SLC5A11: variants seen among roughly 807,000 people sequenced by gnomAD.
SLC5A11 encodes solute carrier family 5 member 11.
SLC5A11 carries 48 observed loss-of-function variants against 69.8 expected under a neutral mutation model. The ratio of observed to expected loss-of-function variants is 0.69; its 90% CI spans 0.55 to 0.87. SLC5A11 has a LOEUF of 0.87. SLC5A11 is among the 40% of genes least tolerant of loss of function. SLC5A11 has a pLI of 0.00. For synonymous variants in SLC5A11, 319 were observed against 342.4 expected (o/e 0.93, Z 0.75); for missense variants, 784 against 866.1 (o/e 0.91, Z 1.19).
intron 5 of SLC5A11, 81 bp downstream of exon 6, chr16:24,872,300 C>A: frequency 1.3e-6 from 2 of 1,482,300 alleles, no homozygotes; most frequent in Non-Finnish European, 1.9e-6. Context: ...CCTCATCCCG[C>A]CATCCCTCCC....
At chr16:24,879,866 G>T (rs1465022791) in intron 7 of SLC5A11, among the ~76,000 whole-genome samples, 1 of 152,176 alleles carries the variant, frequency 6.6e-6, no homozygotes, top group African/African-American at 2.4e-5. Context: ...CTTTTTAATG[G>T]CTGTGTAGTA....
chr16:24,858,733 G>T (rs751973662), exon 2 of SLC5A11: 1 of 1,611,816 alleles, frequency 6.2e-7, no homozygotes, highest in East Asian at 2.2e-5. Flanking sequence ...GGGACATCGC[G>T]GTGCTAGTTC....
rs2059047349 is a variant in SLC5A11 at position 24,847,057 on chromosome 16, C to T, written c.-25+619C>T. Among the ~76,000 whole-genome samples, 4 of 152,162 alleles carry T rather than the reference C, an allele frequency of 2.6e-5. No homozygotes were observed. The South Asian group carries it at 8.3e-4, about 32-fold the overall frequency. On this transcript the variant is annotated intron_variant, in intron 1 of 15. Transcript: ENST00000347898. ...GTAATACAGATAGTGAGTGGCCAAG[C>T]CAAGACTCAATTCCTGTGGCCATGA... is the stretch of plus-strand genomic sequence containing the variant.
rs747177403 is a variant in SLC5A11 at position 24,872,299 on chromosome 16, G to A, written c.372+80G>A. 59 of 1,495,652 alleles carry A rather than the reference G, an allele frequency of 3.9e-5. 1 individual carries two copies. The highest frequency in any genetic ancestry group is 2.7e-4 in the East Asian group (12 of 44,230). 92.6% of individuals were successfully genotyped at this position (1,495,652 alleles called of 1,614,324 possible). On this transcript the variant is annotated intron_variant, in intron 5 of 15. Coordinates refer to ENST00000347898, the Ensembl canonical transcript of SLC5A11. Reference sequence around the variant, plus strand: ...AGCCCTGCAGTCCCTCCCTCATCCCGCCATCCCTCCCTCCTGCCCATGGTC... The same window carrying A: ...AGCCCTGCAGTCCCTCCCTCATCCCACCATCCCTCCCTCCTGCCCATGGTC...
chr16:24,896,649 G>T (rs1023629880), intron 9 of SLC5A11, among the ~76,000 whole-genome samples: 4 of 152,154 alleles, frequency 2.6e-5, no homozygotes, highest in Non-Finnish European at 5.9e-5. Flanking sequence ...AAACTGGGCT[G>T]GTACTATGCT....
At chr16:24,910,401 C>A in exon 15 of SLC5A11, 1 of 1,614,110 alleles carries the variant, frequency 6.2e-7, no homozygotes, top group Non-Finnish European at 8.5e-7. Flanking sequence ...TCTCTCAGAA[C>A]GGGATGCCAG....
intron 2 of SLC5A11, 139 bp downstream of exon 3, chr16:24,858,917 G>A (rs1440465567): frequency 2.3e-5 from 27 of 1,159,542 alleles, no homozygotes; most frequent in Non-Finnish European, 2.9e-5. Context: ...AGAGTAATCA[G>A]AACTTAAAAA....
chr16:24,883,635 G>C (rs2048189528), intron 7 of SLC5A11, among the ~76,000 whole-genome samples: 1 of 152,224 alleles, frequency 6.6e-6, no homozygotes, highest in African/African-American at 2.4e-5. Flanking sequence ...CACATGGCTG[G>C]TGTTAGCTTG....
chr16:24,898,196 G>A (rs555159874), intron 10 of SLC5A11, 87 bp downstream of exon 11: 1 of 1,496,266 alleles, frequency 6.7e-7, no homozygotes, highest in African/African-American at 1.4e-5. Flanking sequence ...GAAGCCTCAA[G>A]AGAATGTGAC....
At chr16:24,899,705 G>A (rs148416469) in intron 10 of SLC5A11, among the ~76,000 whole-genome samples, 424 of 149,836 alleles carry the variant, frequency 2.8e-3, no homozygotes, top group African/African-American at 9.0e-3. Flanking sequence ...GCTGGCCTGC[G>A]GTACTTTTTC....
intron 3 of SLC5A11, among the ~76,000 whole-genome samples, chr16:24,863,948 C>T (rs965879088): frequency 2.6e-5 from 4 of 152,230 alleles, no homozygotes; most frequent in Non-Finnish European, 4.4e-5. Context: ...CTGCTGGGCT[C>T]ATCTTTATTT....
intron 7 of SLC5A11, among the ~76,000 whole-genome samples, chr16:24,882,285 T>C (rs1400599896): frequency 2.0e-5 from 3 of 152,110 alleles, no homozygotes; most frequent in Middle Eastern, 3.2e-3. Context: ...ACTGTTAATA[T>C]AGAAAGGATG....
chr16:24,851,863 T>A (rs940544786), intron 1 of SLC5A11, among the ~76,000 whole-genome samples: 17 of 152,150 alleles, frequency 1.1e-4, no homozygotes, highest in African/African-American at 4.1e-4. Context: ...TATTTACACT[T>A]TACGCTTTAT....
chr16:24,910,273 CCACAAAT>C, intron 14 of SLC5A11, 26 bp from the exon 16 acceptor site: 1 of 1,608,338 alleles, frequency 6.2e-7, no homozygotes, highest in Non-Finnish European at 8.5e-7. Context: ...CCCACCTCCA[CCACAAAT>C]CTCATCATTC....
intron 1 of SLC5A11, among the ~76,000 whole-genome samples, chr16:24,848,541 G>A (rs187306833): frequency 6.6e-6 from 1 of 152,300 alleles, no homozygotes; most frequent in Non-Finnish European, 1.5e-5. Context: ...AGCCCATGGG[G>A]TTGAGGCTGC....
Position 24,900,482 on chromosome 16 carries a change from C to A in SLC5A11, c.1006+2373C>A, listed in dbSNP as rs2049499921. On this transcript the variant is annotated intron_variant, in intron 10 of 15. Coordinates refer to ENST00000347898, the Ensembl canonical transcript of SLC5A11. ...CAGCCCTGGTGGGATGAGGAACCCACAAATAGTCCCTAGTCCTGCTTCCAG... is the reference window on the plus strand; with the variant it reads ...CAGCCCTGGTGGGATGAGGAACCCAAAAATAGTCCCTAGTCCTGCTTCCAG... Among the ~76,000 whole-genome samples the A allele has an allele frequency of 3.9e-5, 6 of 152,266 alleles. No individual in the cohort carries two copies. In the South Asian group the frequency reaches 1.2e-3, roughly 32 times the overall value.
intron 12 of SLC5A11, 36 bp downstream of exon 13, chr16:24,907,211 A>G: frequency 3.7e-6 from 6 of 1,610,426 alleles, no homozygotes; most frequent in Non-Finnish European, 5.1e-6. Context: ...GGCAGGGGGA[A>G]GAGAGAGCTG....
intron 1 of SLC5A11, among the ~76,000 whole-genome samples, chr16:24,853,883 G>A (rs1313842376): frequency 2.6e-5 from 4 of 152,220 alleles, no homozygotes; most frequent in South Asian, 2.1e-4. Context: ...AGGGTGGAGC[G>A]CATGGAGGGT....
intron 8 of SLC5A11, among the ~76,000 whole-genome samples, chr16:24,885,040 C>T (rs1264686380): frequency 4.6e-5 from 7 of 152,202 alleles, no homozygotes; most frequent in Non-Finnish European, 1.0e-4. Context: ...CTGCATCCAG[C>T]CCAGAAGCTT....
Sources: gnomAD v4.1 joint callset for allele counts (sites outside exome capture counted in the v4.1 genomes callset) on GRCh38, gnomAD v4.1.1 for gene constraint, MANE v1.5 for transcripts, NCBI Gene and HGNC (gene_info 2026-07-23, HGNC 2026-07-21) for gene names.